The following BEAN1 variants were observed in gnomAD, a reference collection of about 807,000 sequenced individuals.
BEAN1 encodes the protein brain expressed associated with NEDD4 1, also known as protein BEAN1.
In BEAN1, 17 loss-of-function variants were observed where a neutral mutation model predicts 17.7. The ratio of observed to expected loss-of-function variants is 0.96; its 90% CI spans 0.66 to 1.44. The LOEUF is 1.44. Among genes scored for constraint, BEAN1 ranks in the 40% most tolerant of loss-of-function variants. BEAN1 has a pLI of 0.00. For synonymous variants in BEAN1, 142 were observed against 151.8 expected (o/e 0.94, Z 0.47); for missense variants, 359 against 374.1 (o/e 0.96, Z 0.33).
rs1251018819 is a variant in BEAN1 at position 66,471,510 on chromosome 16, C to A, written c.289+1645C>A. ...GGCTCAAGGCAGTGTCCGGCAGACA[C>A]GTACATGGCCACAGTGGGTGTCACT... On this transcript the variant is annotated intron_variant, in intron 3 of 4. Coordinates refer to ENST00000536005, the MANE Select transcript of BEAN1 (RefSeq NM_001178020.3). This position sits in a 1 kb window ranked among gnomAD's most constrained non-coding sequence, Gnocchi z 4.7. Among the ~76,000 whole-genome samples the A allele has an allele frequency of 6.6e-6, 1 of 152,214 alleles. No individual in the cohort carries two copies. The highest frequency in any genetic ancestry group is 2.1e-4 in the South Asian group (1 of 4,834).
chr16:66,486,315 G>A (rs1007088873), downstream of BEAN1, among the ~76,000 whole-genome samples: 6 of 151,916 alleles, frequency 3.9e-5, no homozygotes, highest in South Asian at 6.2e-4. Context: ...TGCAACCTCC[G>A]TCTCCCAGGT....
At chr16:66,454,953 T>A (rs543432102) in intron 2 of BEAN1, among the ~76,000 whole-genome samples, 147 of 152,040 alleles carry the variant, frequency 9.7e-4, no homozygotes, top group Non-Finnish European at 1.9e-3. Context: ...ACATTACAGG[T>A]TCACACTGTG....
chr16:66,433,803 T>C (rs532139629), intron 1 of BEAN1, among the ~76,000 whole-genome samples: 1 of 152,222 alleles, frequency 6.6e-6, no homozygotes, highest in African/African-American at 2.4e-5. Flanking sequence ...CCCCACAGCC[T>C]ATCTCTGTCT....
At chr16:66,463,278 C>A (rs1963149765) in intron 2 of BEAN1, among the ~76,000 whole-genome samples, 1 of 152,142 alleles carries the variant, frequency 6.6e-6, no homozygotes, top group South Asian at 2.1e-4. Flanking sequence ...ATAAGGGTTT[C>A]CATTTCTCCA....
chr16:66,478,928 CGTGTGCCACGCTA>C (rs1476929791), intron 4 of BEAN1: 1 of 152,348 alleles, frequency 6.6e-6, no homozygotes, highest in Non-Finnish European at 1.5e-5. Flanking sequence ...GGCGAGCACG[CGTGTGCCACGCTA>C]CAGAGGGCAC....
In BEAN1 at chr16:66,482,318, T is replaced by C. The variant is rs1253416848; in HGVS notation, c.*1393T>C. 1 of 153,882 alleles carries C rather than the reference T, an allele frequency of 6.5e-6. No individual in the cohort carries two copies. The highest frequency in any genetic ancestry group is 1.9e-4 in the East Asian group (1 of 5,204). The allele number at this position is 153,882 out of a possible 1,614,324, so 9.5% of individuals were successfully genotyped here. On this transcript the variant is annotated 3_prime_UTR_variant, in exon 5 of 5. Transcript: ENST00000536005. The stretch of plus-strand genomic sequence containing the variant: ...CCTATCCTGCTTCCCCACATTTCTG[T>C]TCCTCCAATGAAGGGCTAAGACTAT...
chr16:66,434,147 A>C lies in BEAN1; in HGVS notation c.-82-3448A>C, dbSNP rs1027022236. Among the ~76,000 whole-genome samples, 1 of 152,188 alleles carries C rather than the reference A, an allele frequency of 6.6e-6. No homozygotes were observed. The highest frequency in any genetic ancestry group is 2.4e-5 in the African/African-American group (1 of 41,446). ...GAGCGAGCCTCGCATGCTGGGCTCA[A>C]AGAGAGGCGGGCAGGGGAAGAGGTG... On this transcript the variant is annotated intron_variant, in intron 1 of 4. Coordinates refer to ENST00000536005, the MANE Select transcript of BEAN1 (RefSeq NM_001178020.3). The surrounding 1 kb of genome is among the most constrained non-coding windows in gnomAD (Gnocchi z 4.3).
rs150409575 is a variant in BEAN1 at position 66,473,815 on chromosome 16, C to T, written c.290-3745C>T. ...CCACCTGTCAGACACACTCACAGCC[C>T]CCCAGCTCTGGTGACTCAAGCCCTC... On this transcript the variant is annotated intron_variant, in intron 3 of 4. Transcript: ENST00000536005. This position sits in a 1 kb window ranked among gnomAD's most constrained non-coding sequence, Gnocchi z 4.5. Among the ~76,000 whole-genome samples, 35 of 152,274 alleles carry T rather than the reference C, an allele frequency of 2.3e-4. 1 individual carries two copies. The East Asian group carries it at 4.6e-3, about 20-fold the overall frequency.
downstream of BEAN1, among the ~76,000 whole-genome samples, chr16:66,486,718 G>C (rs1597056807): frequency 6.6e-6 from 1 of 152,314 alleles, no homozygotes; most frequent in South Asian, 2.1e-4. Context: ...AAAGAGGGGA[G>C]GAGGCTGGGA....
rs569413380 is a variant in BEAN1, at chr16:66,478,751, T to G, written c.440+1041T>G. Among the ~76,000 whole-genome samples the G allele has an allele frequency of 7.2e-5, 11 of 152,206 alleles. No individual in the cohort carries two copies. In the South Asian group the frequency reaches 2.3e-3, roughly 32 times the overall value. ...ATTTCGAGGCCACAGGTGATAACTA[T>G]CATGCTGAGGAGGACGAGGGGAGGG... is the stretch of plus-strand genomic sequence containing the variant. On this transcript the variant is annotated intron_variant, in intron 4 of 4. Transcript: ENST00000536005.
exon 5 of BEAN1, chr16:66,493,172 C>A (rs1004286389): frequency 4.3e-6 from 3 of 702,866 alleles, no homozygotes; most frequent in African/African-American, 1.7e-5. Flanking sequence ...CGCGGGCACA[C>A]GGATGCTTGA....
chr16:66,433,401 TGCA>T (rs1961882954), intron 1 of BEAN1, among the ~76,000 whole-genome samples: 1 of 152,224 alleles, frequency 6.6e-6, no homozygotes. Context: ...CGTGAGCCAC[TGCA>T]CTCAGCCGAG....
intron 2 of BEAN1, among the ~76,000 whole-genome samples, chr16:66,452,776 C>T (rs566856364): frequency 1.3e-5 from 2 of 152,076 alleles, no homozygotes; most frequent in Admixed American, 6.5e-5. Flanking sequence ...TGGCACCTCA[C>T]GTGGCAGACT....
intron 4 of BEAN1, among the ~76,000 whole-genome samples, chr16:66,489,779 AG>A (rs373088668): frequency 1.1e-3 from 169 of 152,216 alleles, no homozygotes; most frequent in African/African-American, 4.0e-3. Flanking sequence ...ATCATGCTGG[AG>A]GGGGCTACAT....
rs530030453 is a variant in BEAN1 at position 66,452,212 on chromosome 16, G to A, written c.25+14511G>A. On this transcript the variant is annotated intron_variant, in intron 2 of 4. Transcript: ENST00000536005. ...TTTTCCTATTCTACTGGTTTCTCTC[G>A]TCCTGCCTACTGAAGTAACATACTA... is the stretch of plus-strand genomic sequence containing the variant. Among the ~76,000 whole-genome samples, 11 of 152,134 alleles carry A rather than the reference G, an allele frequency of 7.2e-5. No individual in the cohort carries two copies. In the South Asian group the frequency reaches 8.3e-4, roughly 11 times the overall value.
chr16:66,489,876 T>C (rs1964141164), intron 4 of BEAN1, among the ~76,000 whole-genome samples: 1 of 152,034 alleles, frequency 6.6e-6, no homozygotes, highest in African/African-American at 2.4e-5. Context: ...GGATGCAGTT[T>C]CTCAATCAAA....
chr16:66,447,075 GC>G (rs1962484250), intron 2 of BEAN1, among the ~76,000 whole-genome samples: 1 of 152,200 alleles, frequency 6.6e-6, no homozygotes, highest in South Asian at 2.1e-4. Flanking sequence ...TTTGAGATCA[GC>G]CTGGGCAGCA....
chr16:66,454,918 G>C (rs768338158), intron 2 of BEAN1, among the ~76,000 whole-genome samples: 1 of 151,874 alleles, frequency 6.6e-6, no homozygotes, highest in Non-Finnish European at 1.5e-5. Flanking sequence ...GGTGGGGAGG[G>C]GTATGGAGGC....
chr16:66,493,172 C>G, exon 5 of BEAN1: 1 of 702,984 alleles, frequency 1.4e-6, no homozygotes, highest in South Asian at 1.5e-5. Flanking sequence ...CGCGGGCACA[C>G]GGATGCTTGA....
Sources: gnomAD v4.1 joint callset for allele counts (sites outside exome capture counted in the v4.1 genomes callset) on GRCh38, gnomAD v4.1.1 for gene constraint, Gnocchi (gnomAD v3.1) non-coding constraint, MANE v1.5 for transcripts, NCBI Gene and HGNC (gene_info 2026-07-23, HGNC 2026-07-21) for gene names.